Variants in ZNF273 observed in about 807,000 individuals in gnomAD.
ZNF273 encodes the protein zinc finger protein 9.
In ZNF273, 11 loss-of-function variants were observed where a neutral mutation model predicts 14.9. The observed-to-expected ratio is 0.74, with a 90% confidence interval of 0.46 to 1.22. The LOEUF (loss-of-function observed/expected upper bound fraction) is 1.22. Ranked by LOEUF, ZNF273 falls within the 50% of genes most tolerant of loss-of-function variation. The probability of loss-of-function intolerance (pLI) is 0.00; values close to 1 mark genes in which losing one functional copy is unlikely to be tolerated. For synonymous variants in ZNF273, 199 were observed against 223.9 expected, an observed-to-expected ratio of 0.89 and a Z score of 0.99; for missense variants, 577 against 660.6, an observed-to-expected ratio of 0.87 and a Z score of 1.39.
downstream of ZNF273, among the ~76,000 whole-genome samples, chr7:64,894,695 A>G (rs1479250990): frequency 3.4e-5 from 2 of 58,948 alleles, no homozygotes; most frequent in African/African-American, 1.0e-4. Flanking sequence ...ACTGGTACTC[A>G]AATAAAATAC....
chr7:64,880,319 TG>T (rs1011905732), downstream of ZNF273: 1 of 151,494 alleles, frequency 6.6e-6, no homozygotes, highest in African/African-American at 2.4e-5. Flanking sequence ...CTAGACGGAG[TG>T]GGGGTGAGTC....
At chr7:64,917,763 G>GT in intron 2 of ZNF273, 56 bp downstream of exon 2, 1 of 1,493,920 alleles carries the variant, frequency 6.7e-7, no homozygotes, top group South Asian at 1.2e-5. Context: ...TCTGTAGAAT[G>GT]TTTTTTGGAA....
At chr7:64,912,826 G>GTTTTGTTTTTTTTTTTTTT (rs746174998) in intron 1 of ZNF273, among the ~76,000 whole-genome samples, 3 of 36,568 alleles carry the variant, frequency 8.2e-5, no homozygotes, top group Admixed American at 4.0e-4. Context: ...ATTCATTTTA[G>GTTTTGTTTTTTTTTTTTTT]TTTTTTTTTT....
At chr7:64,882,089 C>G (rs570426345), downstream of ZNF273, among the ~76,000 whole-genome samples, 397 of 152,270 alleles carry the variant, frequency 2.6e-3, 5 homozygotes, top group African/African-American at 9.2e-3. Context: ...CCTAAACGGC[C>G]CGGGATGAAG....
downstream of ZNF273, chr7:64,889,434 G>A (rs975500714): frequency 2.0e-6 from 2 of 985,644 alleles, no homozygotes; most frequent in Admixed American, 1.2e-4. The surrounding 1 kb of genome is among the most constrained non-coding windows in gnomAD (Gnocchi z 4.2). Context: ...CTTCCCACTC[G>A]GGCTCGGGTG....
downstream of ZNF273, among the ~76,000 whole-genome samples, chr7:64,894,480 T>C (rs1381943386): frequency 6.6e-6 from 1 of 152,184 alleles, no homozygotes; most frequent in Admixed American, 6.5e-5. Flanking sequence ...ATGTATATAA[T>C]ATGACATTTA....
chr7:64,891,741 A>G (rs1792051613), downstream of ZNF273, among the ~76,000 whole-genome samples: 1 of 152,244 alleles, frequency 6.6e-6, no homozygotes, highest in Non-Finnish European at 1.5e-5. Context: ...GCTAAGTCAT[A>G]AAGACACAGA....
chr7:64,932,400 T>A (rs1339673010), downstream of ZNF273, among the ~76,000 whole-genome samples: 1 of 152,064 alleles, frequency 6.6e-6, no homozygotes, highest in East Asian at 1.9e-4. Context: ...AACCTCCACC[T>A]CCTGGGTTTG....
At chr7:64,905,008 C>T (rs911884649) in intron 1 of ZNF273, among the ~76,000 whole-genome samples, 1 of 151,928 alleles carries the variant, frequency 6.6e-6, no homozygotes, top group African/African-American at 2.4e-5. Context: ...TGAATATCAG[C>T]TCCTGGGTCA....
At chr7:64,893,005 G>C (rs1021552109), downstream of ZNF273, among the ~76,000 whole-genome samples, 1 of 152,134 alleles carries the variant, frequency 6.6e-6, no homozygotes, top group Non-Finnish European at 1.5e-5. Context: ...CTGGCCCACA[G>C]GTAGCCCTTT....
chr7:64,915,942 T>A (rs1417656521), intron 1 of ZNF273, among the ~76,000 whole-genome samples: 1 of 151,868 alleles, frequency 6.6e-6, no homozygotes, highest in Non-Finnish European at 1.5e-5. Flanking sequence ...ATGCCTGTAA[T>A]CCCAGCACTT....
chr7:64,924,977 A>AT lies in ZNF273; in HGVS notation c.326-2672dup, dbSNP rs561641559. ...GCCACCATGCCTGGCTAATTTTTGTATTTTTAGAAGAGATGGGGTTTCACC... is the reference window on the plus strand; with the variant it reads ...GCCACCATGCCTGGCTAATTTTTGTATTTTTTAGAAGAGATGGGGTTTCACC... On this transcript the variant is annotated intron_variant, in intron 3 of 3. Transcript: ENST00000476120. Among the ~76,000 whole-genome samples the AT allele has an allele frequency of 4.3e-4, 65 of 151,928 alleles. 1 individual carries two copies. Among genetic ancestry groups the AT allele is most frequent in the South Asian group, 2.5e-3 (12 of 4,804 alleles).
At chr7:64,932,310 T>C (rs1795006500), downstream of ZNF273, among the ~76,000 whole-genome samples, 1 of 151,986 alleles carries the variant, frequency 6.6e-6, no homozygotes. Flanking sequence ...GAAATTTATT[T>C]ATTTATTTAT....
chr7:64,928,662 T>C lies in ZNF273; in HGVS notation c.1334T>C (p.Leu445Pro). ...CGKAFSVFSTLTKHKIIHTGA... is the reference protein window; with the variant it reads ...CGKAFSVFSTPTKHKIIHTGA... ...AAAGCCTTTAGTGTATTCTCAACCC[T>C]TACTAAACATAAGATAATTCATACT... Residue 445 changes from leucine (L) to proline (P), a missense_variant, in exon 4 of 4, where the codon CTT becomes CCT. By Grantham distance (98) the Leu-to-Pro change is moderately conservative (BLOSUM62 -3). This residue lies in a region of ZNF273 where 411 missense variants were observed against 440.4 expected (regional missense o/e 0.93). Transcript: ENST00000476120. The C allele has an allele frequency of 1.2e-6, 2 of 1,612,970 alleles. No individual in the cohort carries two copies. Among genetic ancestry groups the C allele is most frequent in the East Asian group, 2.2e-5 (1 of 44,834 alleles).
At chr7:64,932,966 A>G (rs1795023720), downstream of ZNF273, among the ~76,000 whole-genome samples, 2 of 151,936 alleles carry the variant, frequency 1.3e-5, no homozygotes, top group Non-Finnish European at 2.9e-5. Context: ...TATTAATATT[A>G]CAATTTGGAG....
chr7:64,910,333 A>C (rs1210729299), intron 1 of ZNF273, among the ~76,000 whole-genome samples: 3 of 152,164 alleles, frequency 2.0e-5, no homozygotes, highest in African/African-American at 4.8e-5. Flanking sequence ...TCTTTAATTT[A>C]TCTTGAGTTG....
chr7:64,893,077 C>T (rs1792133453), downstream of ZNF273, among the ~76,000 whole-genome samples: 1 of 150,838 alleles, frequency 6.6e-6, no homozygotes, highest in Admixed American at 6.6e-5. Context: ...TCTATGTTTG[C>T]AGCTCCATTT....
At chr7:64,926,920 T>G (rs1431443060) in intron 3 of ZNF273, among the ~76,000 whole-genome samples, 1 of 152,212 alleles carries the variant, frequency 6.6e-6, no homozygotes, top group African/African-American at 2.4e-5. Context: ...TGCTGCAACA[T>G]TCACCTTGGG....
At chr7:64,902,861 G>A (rs1167181526), upstream of ZNF273, among the ~76,000 whole-genome samples, 1 of 152,226 alleles carries the variant, frequency 6.6e-6, no homozygotes, top group African/African-American at 2.4e-5. Flanking sequence ...AATCATCTCA[G>A]TGAGCAGAGG....
Sources: allele counts gnomAD v4.1 joint callset (sites outside exome capture counted in the v4.1 genomes callset), GRCh38; gene constraint gnomAD v4.1.1; regional missense constraint gnomAD v4.1.1; non-coding constraint Gnocchi (gnomAD v3.1); transcripts MANE v1.5; gene names NCBI Gene and HGNC (gene_info 2026-07-23, HGNC 2026-07-21).